Variants in TBX15 observed in about 807,000 individuals in gnomAD.
TBX15 encodes T-box transcription factor TBX15.
TBX15 carries 18 observed loss-of-function variants against 53.9 expected under a neutral mutation model. The observed-to-expected ratio is 0.33, with a 90% CI of 0.23 to 0.49. TBX15 has a LOEUF of 0.49. TBX15 is among the 20% of genes least tolerant of loss of function. The pLI, the probability that TBX15 is intolerant of heterozygous loss-of-function variation, is 0.98. For missense variants in TBX15, 692 were observed against 749.5 expected (o/e 0.92, Z 0.90); for synonymous variants, 295 against 278.0 (o/e 1.06, Z -0.61).
chr1:118,950,923 A>C (rs1207674241), intron 1 of TBX15, among the ~76,000 whole-genome samples: 1 of 152,204 alleles, frequency 6.6e-6, no homozygotes, highest in Admixed American at 6.5e-5. Flanking sequence ...GTGGTGCTAA[A>C]AGAAAAAAGT....
At position 118,987,749 on chromosome 1, in the gene TBX15, T is replaced by A. The variant is rs757980896; in HGVS notation, c.47A>T (p.His16Leu). Reference protein sequence around the residue: ...RSAVALSSRAHAFSVEALIGS... With the variant: ...RSAVALSSRALAFSVEALIGS... ...GATCAAGGCTTCAACGGAGAAGGCA[T>A]GTGCTCGCGAGCTCAGGGCGACTGC... Residue 16 changes from histidine to leucine, a missense_variant, in exon 1 of 8, where the codon CAT becomes CTT. Around this residue, in one of 3 missense-constraint regions of TBX15, gnomAD observed 307 missense variants for 347.5 expected, o/e 0.88. Transcript: ENST00000369429. The A allele has an allele frequency of 1.3e-6, 2 of 1,550,232 alleles. No individual in the cohort carries two copies. Among genetic ancestry groups the A allele is most frequent in the Admixed American group, 2.0e-5 (1 of 50,988 alleles).
At chr1:118,944,833 C>T (rs1041308226) in intron 1 of TBX15, among the ~76,000 whole-genome samples, 3 of 152,186 alleles carry the variant, frequency 2.0e-5, no homozygotes, top group African/African-American at 7.2e-5. Flanking sequence ...GACATGGCAC[C>T]ATGTTCCAGC....
rs183692370 is a variant in TBX15, at chr1:118,946,329, C to A, written c.206-14497G>T. Among the ~76,000 whole-genome samples, 33 of 152,188 alleles carry A rather than the reference C, an allele frequency of 2.2e-4. No individual in the cohort carries two copies. The East Asian group carries it at 6.0e-3, about 28-fold the overall frequency. On this transcript the variant is annotated intron_variant, in intron 1 of 7. Coordinates refer to ENST00000369429, the MANE Select transcript of TBX15 (RefSeq NM_001330677.2). ...AGGTTATTAACCTAAAGTCAATGGA[C>A]AAGCTTTGGAGGTTTACAAGTCACC...
chr1:118,944,357 T>C (rs1251956457), intron 1 of TBX15, among the ~76,000 whole-genome samples: 2 of 152,196 alleles, frequency 1.3e-5, no homozygotes, highest in Admixed American at 1.3e-4. Flanking sequence ...AATCGCAAAG[T>C]GAACATGTTA....
intron 2 of TBX15, among the ~76,000 whole-genome samples, chr1:118,928,698 G>A (rs1473899128): frequency 1.3e-5 from 2 of 152,140 alleles, no homozygotes; most frequent in Non-Finnish European, 2.9e-5. Flanking sequence ...GAAAGAGAGA[G>A]ATTTCTTTTA....
rs140061725 is a variant in TBX15 at position 118,937,726 on chromosome 1, G to A, written c.206-5894C>T. 5.6e-4 allele frequency among the ~76,000 whole-genome samples: 85 copies of A among 152,298 alleles called. No individual in the cohort carries two copies. The East Asian group carries it at 0.015, about 27-fold the overall frequency. ...CAATTAAAGGAGAAAAACCCAACCCGGATGATAGACAATTCATCTTACTTT... is the reference window on the plus strand; with the variant it reads ...CAATTAAAGGAGAAAAACCCAACCCAGATGATAGACAATTCATCTTACTTT... On this transcript the variant is annotated intron_variant, in intron 1 of 7. Coordinates refer to ENST00000369429, the MANE Select transcript of TBX15 (RefSeq NM_001330677.2).
At chr1:118,941,489 A>G (rs1656174898) in intron 1 of TBX15, among the ~76,000 whole-genome samples, 1 of 152,190 alleles carries the variant, frequency 6.6e-6, no homozygotes, top group Non-Finnish European at 1.5e-5. Context: ...CAACTATTCC[A>G]AGTTTAAAAT....
chr1:118,923,530 G>A lies in TBX15; in HGVS notation c.767C>T (p.Ser256Leu), dbSNP rs1174595944. Residue 256 changes from serine to leucine, a missense_variant, in exon 5 of 8, where the codon TCA becomes TTA. Transcript: ENST00000369429. Reference sequence around the variant, plus strand: ...CCCAACAGGAACAGGCTTAGTGGGTGAAAGGTCACTGCTGAAGTCTTTGCG... The same window carrying A: ...CCCAACAGGAACAGGCTTAGTGGGTAAAAGGTCACTGCTGAAGTCTTTGCG... ...VIRKDFSSDL[S>L]PTKPVPVGDG... 2 of 1,614,022 alleles carry A rather than the reference G, an allele frequency of 1.2e-6. No individual in the cohort carries two copies.
chr1:118,972,994 G>A (rs963742935), intron 1 of TBX15, among the ~76,000 whole-genome samples: 1 of 152,152 alleles, frequency 6.6e-6, no homozygotes, highest in African/African-American at 2.4e-5. Context: ...ATAATATTGA[G>A]CACTCCCTAA....
At chr1:118,910,491 G>A (rs925450202) in intron 6 of TBX15, among the ~76,000 whole-genome samples, 1 of 152,100 alleles carries the variant, frequency 6.6e-6, no homozygotes, top group Non-Finnish European at 1.5e-5. Context: ...ACTGGGTCCT[G>A]ATTCTGGCAC....
At chr1:118,899,879 G>T (rs1270556003) in intron 6 of TBX15, among the ~76,000 whole-genome samples, 2 of 152,078 alleles carry the variant, frequency 1.3e-5, no homozygotes, top group Non-Finnish European at 2.9e-5. Flanking sequence ...TTCCTTTAAG[G>T]CTCCTGGTTC....
intron 5 of TBX15, among the ~76,000 whole-genome samples, chr1:118,918,478 AC>A (rs1655319133): frequency 2.6e-5 from 4 of 152,134 alleles, no homozygotes; most frequent in African/African-American, 9.7e-5. Flanking sequence ...GGCATTAGAG[AC>A]AAAAATCCTA....
intron 1 of TBX15, among the ~76,000 whole-genome samples, chr1:118,983,391 T>C (rs1280969750): frequency 6.6e-6 from 1 of 152,180 alleles, no homozygotes; most frequent in Non-Finnish European, 1.5e-5. Context: ...GAGTTTTACA[T>C]AGAATGTCTT....
intron 4 of TBX15, 73 bp downstream of exon 4, chr1:118,924,573 G>A: frequency 6.3e-7 from 1 of 1,579,254 alleles, no homozygotes; most frequent in Non-Finnish European, 8.7e-7. Context: ...ATTTGAAAAA[G>A]ACTGGGGCTA....
chr1:118,923,560 A>G lies in TBX15; in HGVS notation c.737T>C (p.Val246Ala), dbSNP rs1391823855. 2 of 1,613,932 alleles carry G rather than the reference A, an allele frequency of 1.2e-6. No homozygotes were observed. Among genetic ancestry groups the G allele is most frequent in the South Asian group, 1.1e-5 (1 of 91,086 alleles). The change falls in exon 5 of 8, where the codon GTG becomes GCG. Residue 246 changes from valine to alanine, a missense_variant. By Grantham distance (64) the Val-to-Ala change is moderately conservative. Coordinates refer to ENST00000369429, the MANE Select transcript of TBX15 (RefSeq NM_001330677.2). The part of the protein sequence containing the change: ...SMHKYQPRVH[V>A]IRKDFSSDLS... ...GTCACTGCTGAAGTCTTTGCGAATC[A>G]CATGAACTCGAGGCTGGTATTTGTG...
intron 1 of TBX15, among the ~76,000 whole-genome samples, chr1:118,981,557 G>A (rs1657654238): frequency 6.6e-6 from 1 of 152,204 alleles, no homozygotes; most frequent in Non-Finnish European, 1.5e-5. Context: ...TGCAAGGCCT[G>A]TTTTCACTTC....
chr1:118,920,170 T>C (rs1483258176), intron 5 of TBX15, among the ~76,000 whole-genome samples: 1 of 152,184 alleles, frequency 6.6e-6, no homozygotes, highest in South Asian at 2.1e-4. Flanking sequence ...TGTTTATTTG[T>C]AAAAGGTACA....
chr1:118,984,494 A>AAATATACTTGCAAGGCCGCAGC (rs555893859), intron 1 of TBX15, among the ~76,000 whole-genome samples: 2 of 152,358 alleles, frequency 1.3e-5, no homozygotes, highest in South Asian at 2.1e-4. Flanking sequence ...CGAGCGCCTG[A>AAATATACTTGCAAGGCCGCAGC]AATATACTTG....
chr1:118,975,374 A>G (rs1657389652), intron 1 of TBX15, among the ~76,000 whole-genome samples: 1 of 152,216 alleles, frequency 6.6e-6, no homozygotes, highest in South Asian at 2.1e-4. Context: ...CCTGGAAACT[A>G]TAAATAACCT....
Sources: allele counts gnomAD v4.1 joint callset (sites outside exome capture counted in the v4.1 genomes callset), GRCh38; gene constraint gnomAD v4.1.1; regional missense constraint gnomAD v4.1.1; transcripts MANE v1.5; gene names NCBI Gene and HGNC (gene_info 2026-07-23, HGNC 2026-07-21).